Variants in LMBRD1 observed in about 807,000 individuals in gnomAD.
LMBRD1 encodes the protein LMBR1 domain containing 1, also known as lysosomal cobalamin transport escort protein LMBD1.
In LMBRD1, 64 loss-of-function variants were observed where a neutral mutation model predicts 74.8. The observed-to-expected ratio is 0.86, with a 90% CI of 0.70 to 1.05. The LOEUF (loss-of-function observed/expected upper bound fraction) is 1.05. Ranked by LOEUF, LMBRD1 falls within the 50% of genes least tolerant of loss-of-function variation. The pLI is 0.00. For synonymous variants in LMBRD1, 204 were observed against 216.3 expected (o/e 0.94, Z 0.50); for missense variants, 652 against 645.9 (o/e 1.01, Z -0.10).
chr6:69,755,369 G>A (rs1335814778), intron 3 of LMBRD1, among the ~76,000 whole-genome samples: 2 of 151,524 alleles, frequency 1.3e-5, no homozygotes, highest in Non-Finnish European at 3.0e-5. Flanking sequence ...CTCATAAGTG[G>A]GAGTTGAACA....
intron 9 of LMBRD1, chr6:69,705,631 A>G: frequency 1.1e-6 from 1 of 904,462 alleles, no homozygotes; most frequent in Non-Finnish European, 1.8e-6. Flanking sequence ...TTATTATCAA[A>G]ATCATCATTA....
At chr6:69,735,082 T>A (rs1251869587) in intron 7 of LMBRD1, among the ~76,000 whole-genome samples, 2 of 152,246 alleles carry the variant, frequency 1.3e-5, no homozygotes, top group Non-Finnish European at 2.9e-5. Context: ...GTATACTTCA[T>A]GAATTTTTAT....
chr6:69,796,876 C>A lies in LMBRD1; in HGVS notation c.6G>T (p.Ala2=), dbSNP rs753043203. The A allele has an allele frequency of 1.9e-6, 3 of 1,614,046 alleles. No individual in the cohort carries two copies. Among genetic ancestry groups the A allele is most frequent in the Non-Finnish European group, 2.5e-6 (3 of 1,180,006 alleles). Residue 2 remains alanine, a synonymous_variant, in exon 1 of 16, where the codon GCG becomes GCT. Coordinates refer to ENST00000649934, the MANE Select transcript of LMBRD1 (RefSeq NM_018368.4). ...GCTCCGCCGAGGCCGCGCCAGAAGT[C>A]GCCATCTTCGCTTCCGGTCCAGACC... is the stretch of plus-strand genomic sequence containing the variant. M[A]TSGAASAELV...
intron 14 of LMBRD1, among the ~76,000 whole-genome samples, chr6:69,693,705 T>C (rs1214958057): frequency 1.3e-5 from 2 of 151,972 alleles, no homozygotes; most frequent in Non-Finnish European, 2.9e-5. Flanking sequence ...TGTATACTGC[T>C]ATACAAGTCC....
chr6:69,794,916 A>C (rs72912560), intron 1 of LMBRD1, among the ~76,000 whole-genome samples: 3,016 of 152,320 alleles, frequency 0.02, 39 homozygotes, highest in Non-Finnish European at 0.03. Flanking sequence ...TTTTAATGTA[A>C]CAATGAATGA....
chr6:69,742,454 A>G (rs141687501), intron 5 of LMBRD1, among the ~76,000 whole-genome samples: 1 of 152,304 alleles, frequency 6.6e-6, no homozygotes, highest in African/African-American at 2.4e-5. Context: ...GAACTGTAGA[A>G]ATAATAGAGA....
intron 14 of LMBRD1, among the ~76,000 whole-genome samples, chr6:69,695,462 C>A (rs1430814183): frequency 6.6e-6 from 1 of 152,090 alleles, no homozygotes; most frequent in Non-Finnish European, 1.5e-5. Context: ...ATATGTACCC[C>A]TGAGGGATTG....
At position 69,790,402 on chromosome 6, in the gene LMBRD1, G is replaced by T; in HGVS notation, c.140C>A (p.Thr47Asn). The change falls in exon 2 of 16, where the codon ACC (threonine) becomes AAC (asparagine). Residue 47 changes from threonine (T) to asparagine (N), a missense_variant. Coordinates refer to ENST00000649934, the MANE Select transcript of LMBRD1 (RefSeq NM_018368.4). ...TGCTAGAGAAAAAATTGCTGTTATG[G>T]TGGAGACAACTTCACTTTCCCGCCG... The part of the protein sequence containing the change: ...QSRRESEVVS[T>N]ITAIFSLAIA... The T allele has an allele frequency of 6.2e-7, 1 of 1,613,946 alleles. No individual in the cohort carries two copies.
intron 8 of LMBRD1, among the ~76,000 whole-genome samples, chr6:69,716,075 C>T (rs1482979582): frequency 1.3e-5 from 2 of 152,132 alleles, no homozygotes; most frequent in Non-Finnish European, 2.9e-5. Flanking sequence ...CTGCAGTGAA[C>T]ATTTGTGTGC....
intron 7 of LMBRD1, among the ~76,000 whole-genome samples, chr6:69,733,721 T>C (rs1203090896): frequency 6.6e-6 from 1 of 152,152 alleles, no homozygotes; most frequent in African/African-American, 2.4e-5. Context: ...AATGATATTA[T>C]CTCTCTATCC....
intron 7 of LMBRD1, among the ~76,000 whole-genome samples, chr6:69,719,616 T>A (rs1766571492): frequency 6.6e-6 from 1 of 152,202 alleles, no homozygotes; most frequent in African/African-American, 2.4e-5. Context: ...AACTTATTAA[T>A]CAGCATTAAG....
chr6:69,696,484 C>T (rs1765999512), intron 14 of LMBRD1, among the ~76,000 whole-genome samples: 1 of 152,120 alleles, frequency 6.6e-6, no homozygotes, highest in African/African-American at 2.4e-5. Flanking sequence ...TGATATGACT[C>T]ATGACTCTGC....
rs545980583 is a variant in LMBRD1, at chr6:69,739,437, T to C, written c.563-1422A>G. Among the ~76,000 whole-genome samples, 21 of 152,072 alleles carry C rather than the reference T, an allele frequency of 1.4e-4. No homozygotes were observed. In the South Asian group the frequency reaches 4.1e-3, roughly 30 times the overall value. ...TCTTTATGATATAATAAATAAATCC[T>C]ATTGTAAACAAGTTGTAGTATAGTC... On this transcript the variant is annotated intron_variant, in intron 6 of 15. Transcript: ENST00000649934.
intron 9 of LMBRD1, chr6:69,705,654 T>G: frequency 1.1e-6 from 1 of 875,664 alleles, no homozygotes; most frequent in Non-Finnish European, 1.9e-6. Context: ...ACCATCTTCA[T>G]CATTATCATC....
intron 3 of LMBRD1, among the ~76,000 whole-genome samples, chr6:69,771,231 G>T (rs530744114): frequency 9.9e-5 from 15 of 152,188 alleles, no homozygotes; most frequent in Non-Finnish European, 2.1e-4. Context: ...TTATCCCAAG[G>T]CTTGACTGGG....
At chr6:69,678,082 G>A (rs774400193) in intron 14 of LMBRD1, among the ~76,000 whole-genome samples, 86 of 152,082 alleles carry the variant, frequency 5.7e-4, no homozygotes, top group African/African-American at 1.7e-3. Flanking sequence ...TCTCCAAAAC[G>A]TAACTACTAA....
chr6:69,701,649 A>T lies in LMBRD1; in HGVS notation c.981-104T>A, dbSNP rs1766133625. Reference sequence around the variant, plus strand: ...ATGCAAATACACCTGAGTCAAAGAAAACAATGGATAACAAATTAAACCTCA... The same window carrying T: ...ATGCAAATACACCTGAGTCAAAGAATACAATGGATAACAAATTAAACCTCA... On this transcript the variant is annotated intron_variant, in intron 10 of 15. Coordinates refer to ENST00000649934, the MANE Select transcript of LMBRD1 (RefSeq NM_018368.4). 5 of 722,256 alleles carry T rather than the reference A, an allele frequency of 6.9e-6. No individual in the cohort carries two copies. The South Asian group carries it at 8.4e-5, about 12-fold the overall frequency. The allele number at this position is 722,256 out of a possible 1,614,324, so 44.7% of individuals were successfully genotyped here.
rs575728766 is a variant in LMBRD1 at position 69,734,464 on chromosome 6, C to T, written c.636+3478G>A. 9.2e-5 allele frequency among the ~76,000 whole-genome samples: 14 copies of T among 151,602 alleles called. No homozygotes were observed. The South Asian group carries it at 2.7e-3, about 29-fold the overall frequency. Reference sequence around the variant, plus strand: ...AGGCTGGAGTGAAATGGCGCAATCTCGGCTCACTGCAACCTCTGCCTGCCG... The same window carrying T: ...AGGCTGGAGTGAAATGGCGCAATCTTGGCTCACTGCAACCTCTGCCTGCCG... On this transcript the variant is annotated intron_variant, in intron 7 of 15. Transcript: ENST00000649934.
chr6:69,702,352 A>T (rs1486951890), intron 9 of LMBRD1, among the ~76,000 whole-genome samples: 2 of 151,812 alleles, frequency 1.3e-5, no homozygotes, highest in Non-Finnish European at 2.9e-5. Flanking sequence ...TAGTTAAAAT[A>T]GAAAATTTAG....
Sources: gnomAD v4.1 joint callset for allele counts (sites outside exome capture counted in the v4.1 genomes callset) on GRCh38, gnomAD v4.1.1 for gene constraint, MANE v1.5 for transcripts, NCBI Gene and HGNC (gene_info 2026-07-23, HGNC 2026-07-21) for gene names.